The following CNTNAP2 variants were observed in gnomAD, a reference collection of about 807,000 sequenced individuals.
The protein encoded by CNTNAP2 is contactin-associated protein-like 2.
A neutral mutation model predicts 155.2 loss-of-function variants in CNTNAP2; 98 were observed. The ratio of observed to expected loss-of-function variants is 0.63; its 90% CI spans 0.54 to 0.75. The LOEUF (loss-of-function observed/expected upper bound fraction) is 0.75, where lower values mean the gene tolerates loss of function less well. CNTNAP2 is among the 30% of genes least tolerant of loss of function. The pLI, the probability that CNTNAP2 is intolerant of heterozygous loss-of-function variation, is 0.00. For synonymous variants in CNTNAP2, 651 were observed against 631.2 expected, an observed-to-expected ratio of 1.03 and a Z score of -0.47; for missense variants, 1,727 against 1,688.1, an observed-to-expected ratio of 1.02 and a Z score of -0.40.
intron 4 of CNTNAP2, among the ~76,000 whole-genome samples, chr7:147,086,055 C>T (rs1269560204): frequency 6.6e-6 from 1 of 152,124 alleles, no homozygotes; most frequent in East Asian, 1.9e-4. Flanking sequence ...AAAGCAGTTT[C>T]CTACCGCAGC....
intron 15 of CNTNAP2, among the ~76,000 whole-genome samples, chr7:148,087,691 G>A (rs992206858): frequency 3.3e-5 from 5 of 151,946 alleles, no homozygotes; most frequent in Non-Finnish European, 7.4e-5. Context: ...AATTTGTTTT[G>A]TTTTACTGCC....
intron 1 of CNTNAP2, among the ~76,000 whole-genome samples, chr7:146,430,772 A>G (rs1204910441): frequency 6.6e-6 from 1 of 152,050 alleles, no homozygotes; most frequent in Non-Finnish European, 1.5e-5. Flanking sequence ...GAGTTTCTAA[A>G]TACTCAACTG....
intron 20 of CNTNAP2, among the ~76,000 whole-genome samples, chr7:148,236,440 C>A (rs762689513): frequency 1.3e-4 from 20 of 152,070 alleles, no homozygotes; most frequent in Non-Finnish European, 2.2e-4. Flanking sequence ...TTTTTCTATT[C>A]TTTTCATTGA....
intron 8 of CNTNAP2, among the ~76,000 whole-genome samples, chr7:147,298,380 C>T (rs1355678624): frequency 6.6e-6 from 1 of 151,762 alleles, no homozygotes; most frequent in South Asian, 2.1e-4. Context: ...GCCGAGATCC[C>T]GTCATTGCAC....
chr7:146,779,126 C>A (rs1045325799), intron 2 of CNTNAP2, among the ~76,000 whole-genome samples: 1 of 152,170 alleles, frequency 6.6e-6, no homozygotes. Flanking sequence ...CTCTTTCAGA[C>A]CCCTGTTTCC....
At chr7:146,153,772 G>A (rs1798085520) in intron 1 of CNTNAP2, among the ~76,000 whole-genome samples, 1 of 152,164 alleles carries the variant, frequency 6.6e-6, no homozygotes, top group African/African-American at 2.4e-5. Context: ...TTTACTTGAT[G>A]TAGACACATT....
chr7:146,747,342 GTCT>G (rs1255785189), intron 1 of CNTNAP2, among the ~76,000 whole-genome samples: 1 of 152,106 alleles, frequency 6.6e-6, no homozygotes, highest in Non-Finnish European at 1.5e-5. Flanking sequence ...GTAGAATTTA[GTCT>G]TCTTACCTGG....
At chr7:147,827,758 T>G (rs1798479381) in intron 13 of CNTNAP2, among the ~76,000 whole-genome samples, 1 of 152,156 alleles carries the variant, frequency 6.6e-6, no homozygotes, top group African/African-American at 2.4e-5. Flanking sequence ...ATTTAGAAAG[T>G]ATGAGAGGGT....
In CNTNAP2 at chr7:146,327,289, G is replaced by A. The variant is rs138989728; in HGVS notation, c.97+210316G>A. 5.8e-4 allele frequency among the ~76,000 whole-genome samples: 89 copies of A among 152,242 alleles called. 1 individual carries two copies. Among genetic ancestry groups the A allele is most frequent in the African/African-American group, 2.1e-3 (86 of 41,548 alleles). On this transcript the variant is annotated intron_variant, in intron 1 of 23. Transcript: ENST00000361727. ...TAGTAGACTGTACTGTAAACAATAT[G>A]CTATATAACTGTTTGTATACAATGA... is the stretch of plus-strand genomic sequence containing the variant.
intron 1 of CNTNAP2, among the ~76,000 whole-genome samples, chr7:146,475,382 A>G (rs1346867608): frequency 6.6e-6 from 1 of 152,194 alleles, no homozygotes; most frequent in Non-Finnish European, 1.5e-5. Flanking sequence ...CTGCATTAAA[A>G]TTTGTTACAG....
At chr7:147,902,814 A>ATGTGTGTGTGTG (rs71183034) in intron 13 of CNTNAP2, among the ~76,000 whole-genome samples, 1 of 127,326 alleles carries the variant, frequency 7.9e-6, no homozygotes, top group East Asian at 2.8e-4. Flanking sequence ...GTGTGTGTGT[A>ATGTGTGTGTGTG]TGTGTGTGTG....
intron 3 of CNTNAP2, among the ~76,000 whole-genome samples, chr7:147,011,558 C>A (rs1347555104): frequency 6.6e-6 from 1 of 151,544 alleles, no homozygotes; most frequent in East Asian, 1.9e-4. Context: ...ATTGTTGGGG[C>A]TCAGAAAACC....
intron 13 of CNTNAP2, among the ~76,000 whole-genome samples, chr7:147,869,543 G>A (rs76650174): frequency 0.031 from 4,659 of 152,210 alleles, 222 homozygotes; most frequent in African/African-American, 0.11. Context: ...GCACATCACC[G>A]TCAAGGAAAA....
intron 21 of CNTNAP2, among the ~76,000 whole-genome samples, chr7:148,346,815 C>T (rs945802147): frequency 4.0e-5 from 6 of 150,902 alleles, no homozygotes; most frequent in Admixed American, 1.3e-4. Context: ...GTTAAAACCA[C>T]AATTACTTTT....
At chr7:147,043,280 TA>T (rs1008047270) in intron 3 of CNTNAP2, among the ~76,000 whole-genome samples, 15 of 150,082 alleles carry the variant, frequency 1.0e-4, no homozygotes, top group East Asian at 3.9e-4. Flanking sequence ...AAAATAAAAT[TA>T]AAAAAAAAGA....
intron 9 of CNTNAP2, among the ~76,000 whole-genome samples, chr7:147,377,791 T>G (rs1796463232): frequency 6.6e-6 from 1 of 152,024 alleles, no homozygotes; most frequent in South Asian, 2.1e-4. Flanking sequence ...TTCCTGACTG[T>G]TTTAAAATTG....
At chr7:146,197,148 C>T (rs1798788992) in intron 1 of CNTNAP2, among the ~76,000 whole-genome samples, 1 of 152,020 alleles carries the variant, frequency 6.6e-6, no homozygotes, top group African/African-American at 2.4e-5. Context: ...TGTATGATAG[C>T]ATAAACTAGC....
At chr7:147,995,735 A>C (rs1237061523) in intron 15 of CNTNAP2, among the ~76,000 whole-genome samples, 8 of 151,930 alleles carry the variant, frequency 5.3e-5, no homozygotes, top group Non-Finnish European at 1.2e-4. Flanking sequence ...GGATGGTCAC[A>C]ATCTCCTGAC....
At chr7:147,045,218 G>C (rs73467030) in intron 4 of CNTNAP2, among the ~76,000 whole-genome samples, 24,039 of 151,888 alleles carry the variant, frequency 0.16, 3,219 homozygotes, top group African/African-American at 0.36. Flanking sequence ...TTATTAGCCC[G>C]TTTCCTACTC....
Sources: allele counts gnomAD v4.1 joint callset (sites outside exome capture counted in the v4.1 genomes callset), GRCh38; gene constraint gnomAD v4.1.1; transcripts MANE v1.5; gene names NCBI Gene and HGNC (gene_info 2026-07-23, HGNC 2026-07-21).